Variants in FNDC3A observed in about 807,000 individuals in gnomAD.
FNDC3A encodes fibronectin type-III domain-containing protein 3A.
Under a neutral mutation model 148.9 loss-of-function variants are expected in FNDC3A, and 32 were observed. The ratio of observed to expected loss-of-function variants is 0.21; its 90% confidence interval spans 0.16 to 0.29. The LOEUF is 0.29. Among genes scored for constraint, FNDC3A ranks in the 10% least tolerant of loss-of-function variants. The pLI, the probability that FNDC3A is intolerant of heterozygous loss-of-function variation, is 1.00. For synonymous variants in FNDC3A, 472 were observed against 473.6 expected, an observed-to-expected ratio of 1.00 and a Z score of 0.04; for missense variants, 1,191 against 1,452.8, an observed-to-expected ratio of 0.82 and a Z score of 2.93.
intron 4 of FNDC3A, among the ~76,000 whole-genome samples, chr13:49,117,622 T>G (rs1470377105): frequency 1.3e-5 from 2 of 152,206 alleles, no homozygotes; most frequent in African/African-American, 4.8e-5. Context: ...AAATTGCATC[T>G]ATACTGAACA....
intron 3 of FNDC3A, among the ~76,000 whole-genome samples, chr13:49,092,932 G>A (rs1566244718): frequency 6.6e-6 from 1 of 151,924 alleles, no homozygotes; most frequent in Non-Finnish European, 1.5e-5. Context: ...AGATTGTGTT[G>A]TATGCATTGA....
At chr13:49,006,860 T>C (rs1299912485) in intron 2 of FNDC3A, among the ~76,000 whole-genome samples, 2 of 152,056 alleles carry the variant, frequency 1.3e-5, no homozygotes, top group African/African-American at 4.8e-5. Context: ...TGTGCTTCAT[T>C]CTCATAACTA....
Position 49,191,303 on chromosome 13 carries a change from T to C in FNDC3A, c.2145T>C (p.Gly715=). 6.2e-7 allele frequency: 1 copy of C among 1,613,836 alleles called. No homozygotes were observed. The highest frequency in any genetic ancestry group is 1.1e-5 in the South Asian group (1 of 91,002). The change falls in exon 19 of 26, where the codon GGT becomes GGC. Residue 715 remains glycine, a synonymous_variant. Coordinates refer to ENST00000492622, the MANE Select transcript of FNDC3A (RefSeq NM_001079673.2). The part of the protein sequence containing the change: ...EKDEPREVYQ[G]SEVECTVSSL... ...ATGAACCTAGAGAAGTTTACCAAGGTTCTGAAGTAGAATGTACAGTGAGCA... is the reference window on the plus strand; with the variant it reads ...ATGAACCTAGAGAAGTTTACCAAGGCTCTGAAGTAGAATGTACAGTGAGCA...
intron 3 of FNDC3A, chr13:49,110,466 A>G (rs1176433278): frequency 3.6e-6 from 4 of 1,098,046 alleles, no homozygotes; most frequent in Non-Finnish European, 2.8e-6. Context: ...CATTGTATTA[A>G]TCTAAAGTCA....
intron 11 of FNDC3A, among the ~76,000 whole-genome samples, chr13:49,172,700 C>T (rs1884823994): frequency 6.6e-6 from 1 of 152,158 alleles, no homozygotes; most frequent in African/African-American, 2.4e-5. Context: ...AGGGTCTATT[C>T]AGATAATCCA....
intron 8 of FNDC3A, among the ~76,000 whole-genome samples, chr13:49,153,462 G>T (rs896380753): frequency 6.6e-6 from 1 of 151,974 alleles, no homozygotes; most frequent in Non-Finnish European, 1.5e-5. Flanking sequence ...CTCCCATTTT[G>T]TAGGTTGCCT....
chr13:49,097,452 T>TAA (rs1879604748), intron 3 of FNDC3A, among the ~76,000 whole-genome samples: 1 of 152,086 alleles, frequency 6.6e-6, no homozygotes, highest in African/African-American at 2.4e-5. Context: ...AAAAGGCCCT[T>TAA]GGCATGTTTT....
chr13:49,070,270 T>A (rs1877560668), intron 2 of FNDC3A, among the ~76,000 whole-genome samples: 2 of 152,116 alleles, frequency 1.3e-5, no homozygotes, highest in Admixed American at 1.3e-4. Flanking sequence ...TAGCTGGGGT[T>A]ACAGGCACCC....
intron 9 of FNDC3A, 131 bp downstream of exon 9, chr13:49,167,434 G>C (rs1384935996): frequency 3.4e-6 from 2 of 582,814 alleles, no homozygotes; most frequent in Non-Finnish European, 5.7e-6. Flanking sequence ...TTTGTGGGCT[G>C]GGCGCAGTGC....
At chr13:49,037,569 C>A (rs181638514) in intron 2 of FNDC3A, among the ~76,000 whole-genome samples, 1 of 152,262 alleles carries the variant, frequency 6.6e-6, no homozygotes, top group Non-Finnish European at 1.5e-5. Context: ...ATGTCCACCC[C>A]CTACCCCCTG....
At chr13:49,014,863 C>T (rs9535128) in intron 2 of FNDC3A, among the ~76,000 whole-genome samples, 4 of 142,002 alleles carry the variant, frequency 2.8e-5, no homozygotes, top group East Asian at 2.1e-4. Flanking sequence ...GGAATCCTTT[C>T]CCCATTGCTT....
intron 1 of FNDC3A, chr13:48,976,971 C>T (rs1951615858): frequency 6.6e-6 from 1 of 152,198 alleles, no homozygotes; most frequent in Non-Finnish European, 1.5e-5. Flanking sequence ...AGAAGAGGGA[C>T]TGTTTTAATG....
At chr13:49,152,670 AC>A (rs1391054101) in intron 8 of FNDC3A, among the ~76,000 whole-genome samples, 21 of 70,436 alleles carry the variant, frequency 3.0e-4, no homozygotes, top group Non-Finnish European at 5.0e-4. Flanking sequence ...CCTCCCCCCT[AC>A]CCCCACCCCA....
intron 7 of FNDC3A, among the ~76,000 whole-genome samples, chr13:49,143,548 A>G (rs1327608499): frequency 6.6e-6 from 1 of 152,190 alleles, no homozygotes; most frequent in Non-Finnish European, 1.5e-5. Flanking sequence ...GCATGGTTAT[A>G]TAGGATTTTA....
chr13:49,185,785 T>C (rs950643179), intron 14 of FNDC3A, among the ~76,000 whole-genome samples, 179 bp from the exon 15 acceptor site: 4 of 152,204 alleles, frequency 2.6e-5, no homozygotes, highest in African/African-American at 7.2e-5. Context: ...TTGCATACTC[T>C]TCATATATGC....
intron 2 of FNDC3A, among the ~76,000 whole-genome samples, chr13:49,025,073 C>T (rs746449472): frequency 1.9e-4 from 29 of 152,042 alleles, no homozygotes; most frequent in Admixed American, 1.1e-3. Flanking sequence ...TAGGACAAAC[C>T]GTAAATCATT....
chr13:49,038,194 G>A (rs1271450961), intron 2 of FNDC3A, among the ~76,000 whole-genome samples: 1 of 152,106 alleles, frequency 6.6e-6, no homozygotes, highest in Non-Finnish European at 1.5e-5. Flanking sequence ...CCTGGGTTTG[G>A]GATTTATATG....
chr13:49,207,022 T>A lies in FNDC3A; in HGVS notation c.3283-59T>A, dbSNP rs1290151702. Reference sequence around the variant, plus strand: ...AAACAATTCTAACACTAGCCAGTTTTAACACATTTTCTGTCCAGCCTTCAC... The same window carrying A: ...AAACAATTCTAACACTAGCCAGTTTAAACACATTTTCTGTCCAGCCTTCAC... On this transcript the variant is annotated intron_variant, in intron 25 of 25. Transcript: ENST00000492622. 11 of 1,266,694 alleles carry A rather than the reference T, an allele frequency of 8.7e-6. No homozygotes were observed. In the East Asian group the frequency reaches 2.6e-4, roughly 29 times the overall value. 78.5% of individuals were successfully genotyped at this position (1,266,694 alleles called of 1,614,324 possible). A position where few individuals can be genotyped will look rare whatever the true frequency, so the allele number is the denominator to read the frequency against.
intron 7 of FNDC3A, among the ~76,000 whole-genome samples, chr13:49,141,154 C>T (rs1404105337): frequency 6.6e-6 from 1 of 152,166 alleles, no homozygotes; most frequent in Non-Finnish European, 1.5e-5. Flanking sequence ...TGACAAGTCA[C>T]TTGACCTTTG....
Sources: gnomAD v4.1 joint callset for allele counts (sites outside exome capture counted in the v4.1 genomes callset) on GRCh38, gnomAD v4.1.1 for gene constraint, MANE v1.5 for transcripts, NCBI Gene and HGNC (gene_info 2026-07-23, HGNC 2026-07-21) for gene names.